Variants in LPIN2 observed in about 807,000 individuals in gnomAD.
LPIN2 encodes the protein phosphatidate phosphatase LPIN2.
Under a neutral mutation model 111.4 loss-of-function variants are expected in LPIN2, and 55 were observed. That is an observed-to-expected ratio of 0.49 (90% confidence interval 0.40 to 0.62). The LOEUF (loss-of-function observed/expected upper bound fraction) is 0.62. LPIN2 is among the 20% of genes least tolerant of loss of function. LPIN2 has a pLI of 0.00. For synonymous variants in LPIN2, 425 were observed against 414.0 expected (o/e 1.03, Z -0.32); for missense variants, 992 against 1,112.1 (o/e 0.89, Z 1.54).
intron 7 of LPIN2, among the ~76,000 whole-genome samples, chr18:2,935,633 A>C (rs1435919978): frequency 6.6e-6 from 1 of 152,230 alleles, no homozygotes; most frequent in Non-Finnish European, 1.5e-5. Flanking sequence ...CAATTAGGGA[A>C]ATGTAAACAT....
intron 8 of LPIN2, among the ~76,000 whole-genome samples, chr18:2,932,731 C>T (rs191302530): frequency 3.7e-4 from 57 of 152,338 alleles, no homozygotes; most frequent in African/African-American, 1.3e-3. Context: ...CATGGTGCCC[C>T]TCCCCAGGGG....
At chr18:2,924,065 G>A (rs753218346) in intron 15 of LPIN2, among the ~76,000 whole-genome samples, 2 of 152,148 alleles carry the variant, frequency 1.3e-5, no homozygotes, top group Non-Finnish European at 2.9e-5. Context: ...TCTCACGAGC[G>A]CCAGATGTGT....
chr18:3,012,925 G>A (rs1307242140), intron 1 of LPIN2, among the ~76,000 whole-genome samples, 162 bp downstream of exon 1: 3 of 151,328 alleles, frequency 2.0e-5, no homozygotes, highest in Non-Finnish European at 4.4e-5. Flanking sequence ...GGGAAGCGGG[G>A]ACCGCGGCGC....
intron 1 of LPIN2, among the ~76,000 whole-genome samples, chr18:2,988,133 C>G (rs1427780610): frequency 6.6e-6 from 1 of 151,806 alleles, no homozygotes; most frequent in Non-Finnish European, 1.5e-5. Context: ...TCTGGCAACC[C>G]TCCTTTGTTT....
At chr18:2,976,065 A>T (rs1782245331) in intron 1 of LPIN2, among the ~76,000 whole-genome samples, 2 of 152,344 alleles carry the variant, frequency 1.3e-5, no homozygotes, top group South Asian at 4.1e-4. Flanking sequence ...ATATTACTAT[A>T]GGTTCTATGT....
intron 1 of LPIN2, chr18:2,982,876 T>C: frequency 5.0e-6 from 2 of 396,734 alleles, no homozygotes; most frequent in Non-Finnish European, 9.9e-6. Flanking sequence ...GACACAGTTA[T>C]ATGGCTAAAA....
At chr18:2,934,988 T>C (rs184938488) in intron 7 of LPIN2, among the ~76,000 whole-genome samples, 31 of 152,364 alleles carry the variant, frequency 2.0e-4, no homozygotes, top group Admixed American at 5.9e-4. Context: ...GTGGTCATCA[T>C]GAGATACAAT....
intron 2 of LPIN2, among the ~76,000 whole-genome samples, chr18:2,958,172 A>AAAAAAAAAAAAAAAAAAAAAAC (rs2077650683): frequency 6.9e-6 from 1 of 145,250 alleles, no homozygotes; most frequent in African/African-American, 2.5e-5. Context: ...AAAAAAAAAA[A>AAAAAAAAAAAAAAAAAAAAAAC]ACAGAAAAAA....
At chr18:2,948,987 G>C (rs1474829969) in intron 4 of LPIN2, among the ~76,000 whole-genome samples, 2 of 152,080 alleles carry the variant, frequency 1.3e-5, no homozygotes, top group African/African-American at 2.4e-5. Context: ...ATTTTTAGTA[G>C]AGATGGAGTT....
rs555572164 is a variant in LPIN2, at chr18:2,925,724, G to A, written c.1794-356C>T. 2.1e-4 allele frequency among the ~76,000 whole-genome samples: 32 copies of A among 152,298 alleles called. No homozygotes were observed. The highest frequency in any genetic ancestry group is 1.1e-3 in the Admixed American group (17 of 15,290). On this transcript the variant is annotated intron_variant, in intron 13 of 19. Coordinates refer to ENST00000677752, the MANE Select transcript of LPIN2 (RefSeq NM_001375808.2). The surrounding 1 kb of genome is among the most constrained non-coding windows in gnomAD (Gnocchi z 4.1). ...CGCTTACAATGATTTAACAAACTCC[G>A]GCTGGGTGCGGTGCCTCACACCTGT...
intron 3 of LPIN2, among the ~76,000 whole-genome samples, chr18:2,953,992 A>G (rs1038857682): frequency 3.3e-5 from 5 of 152,226 alleles, no homozygotes; most frequent in Admixed American, 2.6e-4. Flanking sequence ...ACATGTAATC[A>G]CTTATAAAAG....
At chr18:2,968,638 C>G (rs624751) in intron 1 of LPIN2, among the ~76,000 whole-genome samples, 143,550 of 152,160 alleles carry the variant, frequency 0.94, 68,013 homozygotes, top group Non-Finnish European at 0.99. Context: ...TCTAGAAGTG[C>G]AAGTATGTGT....
intron 3 of LPIN2, among the ~76,000 whole-genome samples, chr18:2,952,832 T>C (rs1266713867): frequency 6.6e-6 from 1 of 152,208 alleles, no homozygotes; most frequent in Non-Finnish European, 1.5e-5. Context: ...TTAAACAAAC[T>C]ATGGTATGTC....
In LPIN2 at chr18:2,920,173, G is replaced by C; in HGVS notation, c.*120C>G. ...AAGGCAAAGGAGGATGGCGGGACCA[G>C]CTCCAGAAGCACCCGTCCCCGCTGG... On this transcript the variant is annotated 3_prime_UTR_variant, in exon 20 of 20. Transcript: ENST00000677752. 1 of 1,394,374 alleles carries C rather than the reference G, an allele frequency of 7.2e-7. No individual in the cohort carries two copies. Among genetic ancestry groups the C allele is most frequent in the Non-Finnish European group, 1.0e-6 (1 of 993,480 alleles). The allele number at this position is 1,394,374 out of a possible 1,614,324, so 86.4% of individuals were successfully genotyped here.
chr18:2,924,472 G>A lies in LPIN2; in HGVS notation c.2013C>T (p.Arg671=), dbSNP rs529634495. 37 of 1,614,026 alleles carry A rather than the reference G, an allele frequency of 2.3e-5. No individual in the cohort carries two copies. The East Asian group carries it at 4.9e-4, about 21-fold the overall frequency. ...TCCACAGGTAAATGGTCCCTGCACA[G>A]CGACAGGTGCCTTGATACTGGGTTG... ...SITTQYQGTC[R]CAGTIYLWNW... Residue 671 remains arginine, a synonymous_variant, in exon 15 of 20, where the codon CGC becomes CGT. Coordinates refer to ENST00000677752, the MANE Select transcript of LPIN2 (RefSeq NM_001375808.2).
intron 9 of LPIN2, among the ~76,000 whole-genome samples, chr18:2,929,452 C>T (rs567081982): frequency 1.3e-5 from 2 of 152,064 alleles, no homozygotes; most frequent in African/African-American, 2.4e-5. Flanking sequence ...TAGAGAGGGA[C>T]GGAAGACAGA....
chr18:3,012,923 G>A (rs2078631931), intron 1 of LPIN2, among the ~76,000 whole-genome samples, 164 bp downstream of exon 1: 1 of 151,368 alleles, frequency 6.6e-6, no homozygotes, highest in Admixed American at 6.6e-5. Context: ...CCGGGAAGCG[G>A]GGACCGCGGC....
chr18:2,948,058 A>G (rs1396814984), intron 4 of LPIN2, among the ~76,000 whole-genome samples: 1 of 151,870 alleles, frequency 6.6e-6, no homozygotes, highest in African/African-American at 2.4e-5. Context: ...TATTTCAGAA[A>G]ACAACCTGAA....
chr18:2,933,592 A>G (rs891842440), intron 8 of LPIN2, among the ~76,000 whole-genome samples: 2 of 152,248 alleles, frequency 1.3e-5, no homozygotes, highest in Non-Finnish European at 2.9e-5. Context: ...CCATCTTTCT[A>G]TTCCAAATAA....
Sources: allele counts gnomAD v4.1 joint callset (sites outside exome capture counted in the v4.1 genomes callset), GRCh38; gene constraint gnomAD v4.1.1; non-coding constraint Gnocchi (gnomAD v3.1); transcripts MANE v1.5; gene names NCBI Gene and HGNC (gene_info 2026-07-23, HGNC 2026-07-21).